Variants in C9orf153 observed in about 807,000 individuals in gnomAD.
C9orf153 encodes uncharacterized protein C9orf153.
In C9orf153, 10 loss-of-function variants were observed where a neutral mutation model predicts 9.0. That is an observed-to-expected ratio of 1.11 (90% CI 0.69 to 1.89). C9orf153 has a LOEUF of 1.89. C9orf153 is among the 40% of genes most tolerant of loss of function. C9orf153 has a pLI of 0.00. For synonymous variants in C9orf153, 35 were observed against 37.3 expected, an observed-to-expected ratio of 0.94 and a Z score of 0.23; for missense variants, 108 against 111.0, an observed-to-expected ratio of 0.97 and a Z score of 0.12.
chr9:86,236,612 G>A (rs1189298132), intron 1 of C9orf153, among the ~76,000 whole-genome samples: 1 of 151,298 alleles, frequency 6.6e-6, no homozygotes, highest in Non-Finnish European at 1.5e-5. Flanking sequence ...AAACATTTAA[G>A]GAATGTGTTG....
At chr9:86,253,042 T>C (rs1825030055) in intron 1 of C9orf153, among the ~76,000 whole-genome samples, 2 of 152,126 alleles carry the variant, frequency 1.3e-5, no homozygotes, top group African/African-American at 4.8e-5. Flanking sequence ...TGAGAAAAAC[T>C]GAAACATTTA....
intron 2 of C9orf153, 70 bp from the exon 3 acceptor site, chr9:86,228,100 C>A: frequency 8.6e-7 from 1 of 1,159,480 alleles, no homozygotes; most frequent in South Asian, 1.6e-5. Context: ...GACCTACAAA[C>A]CCTAGAAAAA....
chr9:86,242,982 C>A (rs1282017048), intron 1 of C9orf153, among the ~76,000 whole-genome samples: 1 of 152,172 alleles, frequency 6.6e-6, no homozygotes, highest in African/African-American at 2.4e-5. Flanking sequence ...CCCAGCCCCG[C>A]AGGCCACTTC....
In C9orf153 at chr9:86,227,944, G is replaced by A. The variant is rs765418136; in HGVS notation, c.153C>T (p.Asn51=). The part of the protein sequence containing the change: ...NLLKMHGISL[N]EAQEVLARNL... ...TTCTAGCAAGTACTTCCTGTGCTTC[G>A]TTAAGTGAAATACCATGCATTTTTA... Residue 51 remains asparagine (N), a synonymous_variant, in exon 3 of 4, where the codon AAC becomes AAT. Coordinates refer to ENST00000339137, the MANE Select transcript of C9orf153 (RefSeq NM_001276366.4). 2.6e-5 allele frequency: 42 copies of A among 1,613,502 alleles called. No homozygotes were observed. In the Middle Eastern group the frequency reaches 4.9e-4, roughly 19 times the overall value.
At chr9:86,240,684 GCTTTT>G (rs1184134908) in intron 1 of C9orf153, among the ~76,000 whole-genome samples, 10 of 142,518 alleles carry the variant, frequency 7.0e-5, no homozygotes, top group Admixed American at 6.5e-4. Flanking sequence ...GCACTAATTT[GCTTTT>G]CTTTTCTTTT....
intron 1 of C9orf153, among the ~76,000 whole-genome samples, chr9:86,242,178 T>C (rs1172657471): frequency 6.6e-6 from 1 of 151,956 alleles, no homozygotes; most frequent in East Asian, 1.9e-4. Flanking sequence ...GGAAGAATCT[T>C]CCAGGCAGAA....
Position 86,220,310 on chromosome 9 carries a change from T to G in C9orf153, c.*1378A>C, listed in dbSNP as rs1824169346. The G allele has an allele frequency of 6.6e-6, 1 of 152,234 alleles. No homozygotes were observed. The highest frequency in any genetic ancestry group is 1.5e-5 in the Non-Finnish European group (1 of 68,032). 9.4% of individuals were successfully genotyped at this position (152,234 alleles called of 1,614,324 possible). A position where few individuals can be genotyped will look rare whatever the true frequency, so the allele number is the denominator to read the frequency against. ...TCTACACAATCATACACACATATATTGTTAACAATTTGCTTGCCATTATTT... is the reference window on the plus strand; with the variant it reads ...TCTACACAATCATACACACATATATGGTTAACAATTTGCTTGCCATTATTT... On this transcript the variant is annotated 3_prime_UTR_variant, in exon 4 of 4. Coordinates refer to ENST00000339137, the MANE Select transcript of C9orf153 (RefSeq NM_001276366.4).
chr9:86,233,412 C>T (rs1292135851), intron 1 of C9orf153, among the ~76,000 whole-genome samples: 1 of 151,878 alleles, frequency 6.6e-6, no homozygotes, highest in Admixed American at 6.6e-5. Context: ...TTTTACAGTC[C>T]TCACTTTTCT....
chr9:86,239,367 T>C (rs1019338569), intron 1 of C9orf153, among the ~76,000 whole-genome samples: 2 of 152,186 alleles, frequency 1.3e-5, no homozygotes, highest in Non-Finnish European at 2.9e-5. Flanking sequence ...TGCACTTTTA[T>C]GTATTTTACA....
chr9:86,250,178 CTT>C (rs1159501085), intron 1 of C9orf153, among the ~76,000 whole-genome samples: 2 of 152,268 alleles, frequency 1.3e-5, no homozygotes, highest in East Asian at 1.9e-4. Context: ...TGTTGACAGA[CTT>C]AATGTTTTTT....
intron 1 of C9orf153, among the ~76,000 whole-genome samples, chr9:86,251,386 T>A (rs1403297483): frequency 1.3e-5 from 2 of 152,196 alleles, no homozygotes; most frequent in Non-Finnish European, 1.5e-5. Flanking sequence ...ATTGTTAGTA[T>A]GTGACTAACA....
chr9:86,236,505 C>T (rs1030156178), intron 1 of C9orf153, among the ~76,000 whole-genome samples: 15 of 147,804 alleles, frequency 1.0e-4, no homozygotes, highest in African/African-American at 1.8e-4. Context: ...GCCGATATCA[C>T]GCCATTGCAC....
At chr9:86,253,850 G>GA (rs1825047580) in intron 1 of C9orf153, among the ~76,000 whole-genome samples, 2 of 152,112 alleles carry the variant, frequency 1.3e-5, no homozygotes, top group Non-Finnish European at 2.9e-5. Context: ...CCAGCCCTTT[G>GA]GGAGGCCAAG....
At chr9:86,237,564 C>T (rs1482785647) in intron 1 of C9orf153, among the ~76,000 whole-genome samples, 1 of 152,088 alleles carries the variant, frequency 6.6e-6, no homozygotes, top group Non-Finnish European at 1.5e-5. Flanking sequence ...ACTACATGTG[C>T]GTGCCACTGT....
intron 1 of C9orf153, among the ~76,000 whole-genome samples, chr9:86,231,547 G>A (rs765906170): frequency 2.0e-5 from 3 of 146,482 alleles, no homozygotes; most frequent in Non-Finnish European, 4.4e-5. Context: ...GAAAAACCCA[G>A]AATGGATACA....
chr9:86,227,561 G>C (rs1824364655), intron 3 of C9orf153: 2 of 985,262 alleles, frequency 2.0e-6, no homozygotes, highest in South Asian at 9.4e-5. Flanking sequence ...AACTAAGAAG[G>C]ATCTACAAAG....
chr9:86,244,487 T>G (rs1824821401), intron 1 of C9orf153, among the ~76,000 whole-genome samples: 1 of 152,202 alleles, frequency 6.6e-6, no homozygotes, highest in Non-Finnish European at 1.5e-5. Flanking sequence ...GATTTAGTAG[T>G]GGTCATGGTA....
rs138557684 is a variant in C9orf153, at chr9:86,221,678, C to T, written c.*10G>A. 192 of 1,549,624 alleles carry T rather than the reference C, an allele frequency of 1.2e-4. 3 individuals carry two copies. In the East Asian group the frequency reaches 4.1e-3, roughly 33 times the overall value. On this transcript the variant is annotated 3_prime_UTR_variant, in exon 4 of 4. Coordinates refer to ENST00000339137, the MANE Select transcript of C9orf153 (RefSeq NM_001276366.4). ...AAATTGCAGTAGTGCGCCTCCACTTCGCAAGCCCCTTAAAATATCTCCATT... is the reference window on the plus strand; with the variant it reads ...AAATTGCAGTAGTGCGCCTCCACTTTGCAAGCCCCTTAAAATATCTCCATT...
At chr9:86,243,663 G>A (rs1038490071) in intron 1 of C9orf153, among the ~76,000 whole-genome samples, 12 of 152,066 alleles carry the variant, frequency 7.9e-5, no homozygotes, top group African/African-American at 2.9e-4. Flanking sequence ...AAGCCACATC[G>A]CCTGAATCTA....
Sources: gnomAD v4.1 joint callset for allele counts (sites outside exome capture counted in the v4.1 genomes callset) on GRCh38, gnomAD v4.1.1 for gene constraint, MANE v1.5 for transcripts, NCBI Gene and HGNC (gene_info 2026-07-23, HGNC 2026-07-21) for gene names.